Variants in EYS observed in about 807,000 individuals in gnomAD.
EYS encodes the protein EGF-like photoreceptor maintenance factor.
In EYS, 250 loss-of-function variants were observed where a neutral mutation model predicts 282.1. The ratio of observed to expected loss-of-function variants is 0.89; its 90% CI spans 0.80 to 0.98. The LOEUF is 0.98. Among genes scored for constraint, EYS ranks in the 50% least tolerant of loss-of-function variants. The pLI is 0.00. For synonymous variants in EYS, 1,355 were observed against 1,282.9 expected, an observed-to-expected ratio of 1.06 and a Z score of -1.20; for missense variants, 4,016 against 3,709.0, an observed-to-expected ratio of 1.08 and a Z score of -2.15.
At chr6:64,050,584 C>T (rs1404447800) in intron 33 of EYS, among the ~76,000 whole-genome samples, 1 of 152,140 alleles carries the variant, frequency 6.6e-6, no homozygotes, top group African/African-American at 2.4e-5. Flanking sequence ...TTCTTTCTTT[C>T]TTTCCTAGTA....
intron 9 of EYS, among the ~76,000 whole-genome samples, chr6:65,350,488 A>T (rs1005413187): frequency 6.6e-6 from 1 of 151,662 alleles, no homozygotes; most frequent in Non-Finnish European, 1.5e-5. Context: ...AAAAAAGTTC[A>T]CTAGTACATG....
chr6:64,961,291 T>C (rs1769907178), intron 14 of EYS, among the ~76,000 whole-genome samples: 1 of 152,140 alleles, frequency 6.6e-6, no homozygotes, highest in Admixed American at 6.6e-5. Flanking sequence ...TTTAAAGACG[T>C]GTTTCCCAAA....
intron 2 of EYS, among the ~76,000 whole-genome samples, chr6:65,631,484 A>C (rs1221349202): frequency 6.6e-6 from 1 of 151,968 alleles, no homozygotes. Flanking sequence ...GGAAAAAAAA[A>C]AAAAAATCCT....
At chr6:64,405,332 C>T (rs1174172224) in intron 28 of EYS, among the ~76,000 whole-genome samples, 12 of 151,956 alleles carry the variant, frequency 7.9e-5, no homozygotes, top group Admixed American at 7.9e-4. Context: ...TTGTTTTGTT[C>T]TGGTTTGGAG....
chr6:65,579,422 G>A (rs553527116), intron 2 of EYS, among the ~76,000 whole-genome samples: 14 of 152,218 alleles, frequency 9.2e-5, no homozygotes, highest in African/African-American at 2.9e-4. Context: ...ATCAGAGACG[G>A]CAAAGGTCTT....
At chr6:64,028,111 T>C (rs952797731) in intron 33 of EYS, among the ~76,000 whole-genome samples, 1 of 152,196 alleles carries the variant, frequency 6.6e-6, no homozygotes, top group Non-Finnish European at 1.5e-5. Context: ...AGGGATATAT[T>C]AGCCAAGGCT....
rs4034162 is a variant in EYS at position 64,569,026 on chromosome 6, G to GAAAAA, written c.5644+21192_5644+21196dup. On this transcript the variant is annotated intron_variant, in intron 26 of 42. Transcript: ENST00000503581. The stretch of plus-strand genomic sequence containing the variant: ...TAGACAAATCCACAAAGATGGAAAA[G>GAAAAA]AAAAAAAAAAAAAAAAAACAGCAAA... 4.9e-4 allele frequency among the ~76,000 whole-genome samples: 50 copies of GAAAAA among 101,700 alleles called. 1 individual carries two copies. Among genetic ancestry groups the GAAAAA allele is most frequent in the African/African-American group, 1.0e-3 (26 of 25,944 alleles). 66.7% of individuals were successfully genotyped at this position (101,700 alleles called of 152,430 possible).
At chr6:64,807,745 T>C (rs1236783044) in intron 22 of EYS, among the ~76,000 whole-genome samples, 2 of 152,128 alleles carry the variant, frequency 1.3e-5, no homozygotes, top group Non-Finnish European at 2.9e-5. Context: ...TCACCTGAAG[T>C]ATGGTTATAG....
chr6:63,869,085 C>T (rs12660411), intron 35 of EYS, among the ~76,000 whole-genome samples: 56,311 of 151,882 alleles, frequency 0.37, 10,930 homozygotes, highest in South Asian at 0.47. Context: ...ATATAATATA[C>T]CCATGAACAG....
At chr6:63,983,222 A>C (rs1197456615) in intron 35 of EYS, among the ~76,000 whole-genome samples, 1 of 151,794 alleles carries the variant, frequency 6.6e-6, no homozygotes. Flanking sequence ...CAATGTATAA[A>C]TGTGTATAAA....
Position 64,943,833 on chromosome 6 carries a change from G to A in EYS, c.2381+1960C>T, listed in dbSNP as rs141818282. On this transcript the variant is annotated intron_variant, in intron 15 of 42. Coordinates refer to ENST00000503581, the MANE Select transcript of EYS (RefSeq NM_001142800.2). Reference sequence around the variant, plus strand: ...CAACCTACGAATGTCATTTTTCACAGAATTAGAGAAAAACTATACTAAAAT... The same window carrying A: ...CAACCTACGAATGTCATTTTTCACAAAATTAGAGAAAAACTATACTAAAAT... Among the ~76,000 whole-genome samples, 7 of 152,064 alleles carry A rather than the reference G, an allele frequency of 4.6e-5. No individual in the cohort carries two copies. The East Asian group carries it at 1.4e-3, about 30-fold the overall frequency.
At chr6:65,632,542 T>C (rs553544114) in intron 2 of EYS, among the ~76,000 whole-genome samples, 11 of 152,350 alleles carry the variant, frequency 7.2e-5, no homozygotes, top group African/African-American at 2.4e-4. Flanking sequence ...ATTCATGCTC[T>C]ATCATATTCC....
At chr6:63,972,079 G>T (rs1218932692) in intron 35 of EYS, among the ~76,000 whole-genome samples, 1 of 152,148 alleles carries the variant, frequency 6.6e-6, no homozygotes, top group African/African-American at 2.4e-5. Flanking sequence ...GAAAGAGAAT[G>T]TTTTATGTGA....
chr6:65,042,953 T>G (rs1422395759), intron 13 of EYS, among the ~76,000 whole-genome samples: 2 of 151,506 alleles, frequency 1.3e-5, no homozygotes, highest in Non-Finnish European at 3.0e-5. Context: ...CTCGGTTATG[T>G]CTATGTAAAC....
intron 12 of EYS, among the ~76,000 whole-genome samples, chr6:65,090,734 C>A (rs946064321): frequency 1.3e-5 from 2 of 152,048 alleles, no homozygotes; most frequent in Non-Finnish European, 2.9e-5. Flanking sequence ...AAGCTGCTGT[C>A]CCAAAGATCC....
intron 30 of EYS, among the ~76,000 whole-genome samples, chr6:64,279,725 C>G (rs1768238441): frequency 6.6e-6 from 1 of 152,158 alleles, no homozygotes; most frequent in Admixed American, 6.6e-5. Flanking sequence ...AAATTACTGT[C>G]TCCCACCACA....
At chr6:65,122,520 T>G (rs944261019) in intron 12 of EYS, among the ~76,000 whole-genome samples, 3 of 152,094 alleles carry the variant, frequency 2.0e-5, no homozygotes, top group African/African-American at 7.2e-5. Context: ...AACAAGTAAC[T>G]ATCTTATTTT....
chr6:65,126,472 G>A (rs910280058), intron 12 of EYS, among the ~76,000 whole-genome samples: 7 of 152,028 alleles, frequency 4.6e-5, no homozygotes, highest in Non-Finnish European at 8.8e-5. Flanking sequence ...TTTCCATCAC[G>A]TCTAATTCTT....
chr6:65,138,169 T>C (rs1276580065), intron 12 of EYS, among the ~76,000 whole-genome samples: 1 of 152,058 alleles, frequency 6.6e-6, no homozygotes, highest in Non-Finnish European at 1.5e-5. Context: ...TGAGTCCTAT[T>C]GAGGAAAAAA....
Sources: gnomAD v4.1 joint callset for allele counts (sites outside exome capture counted in the v4.1 genomes callset) on GRCh38, gnomAD v4.1.1 for gene constraint, MANE v1.5 for transcripts, NCBI Gene and HGNC (gene_info 2026-07-23, HGNC 2026-07-21) for gene names.